The following TSC22D1 variants were observed in gnomAD, a reference collection of about 807,000 sequenced individuals.
TSC22D1 encodes TSC22 domain family member 1.
Under a neutral mutation model 74.2 loss-of-function variants are expected in TSC22D1, and 9 were observed. That is an observed-to-expected ratio of 0.12 (90% CI 0.07 to 0.21). The LOEUF (loss-of-function observed/expected upper bound fraction) is 0.21, where lower values mean the gene tolerates loss of function less well. Ranked by LOEUF, TSC22D1 falls within the 10% of genes least tolerant of loss-of-function variation. The probability of loss-of-function intolerance (pLI) is 1.00; values close to 1 mark genes in which losing one functional copy is unlikely to be tolerated. For missense variants in TSC22D1, 1,427 were observed against 1,304.7 expected (o/e 1.09, Z -1.44); for synonymous variants, 586 against 492.5 (o/e 1.19, Z -2.51).
intron 1 of TSC22D1, among the ~76,000 whole-genome samples, chr13:44,493,490 GATTACTGTT>G (rs1485901823): frequency 5.3e-5 from 8 of 152,320 alleles, no homozygotes; most frequent in Admixed American, 1.3e-4. Flanking sequence ...TGAAGCAAAA[GATTACTGTT>G]AAGGCACACA....
chr13:44,551,344 CCT>C (rs1595158697), intron 1 of TSC22D1, among the ~76,000 whole-genome samples: 1 of 76,798 alleles, frequency 1.3e-5, no homozygotes, highest in African/African-American at 4.8e-5. Flanking sequence ...TGTGTGTGAC[CCT>C]GTCTCAAAAA....
chr13:44,475,459 C>T (rs1478061386), intron 1 of TSC22D1, among the ~76,000 whole-genome samples: 18 of 80,400 alleles, frequency 2.2e-4, no homozygotes, highest in African/African-American at 8.9e-4. Flanking sequence ...GTAAAACAAA[C>T]AAAAGCAAAA....
At chr13:44,462,089 A>C (rs184762879) in intron 1 of TSC22D1, among the ~76,000 whole-genome samples, 261 of 152,362 alleles carry the variant, frequency 1.7e-3, no homozygotes, top group Non-Finnish European at 2.9e-3. Context: ...CCAGGTAATC[A>C]AAATGTAAAC....
intron 1 of TSC22D1, among the ~76,000 whole-genome samples, chr13:44,438,435 G>A (rs1328740436): frequency 2.0e-5 from 3 of 152,154 alleles, no homozygotes; most frequent in Admixed American, 1.3e-4. Flanking sequence ...TGCTGGTAGT[G>A]GGGGTAGGTA....
At chr13:44,558,515 G>A (rs1415344218) in intron 1 of TSC22D1, among the ~76,000 whole-genome samples, 1 of 152,120 alleles carries the variant, frequency 6.6e-6, no homozygotes, top group Non-Finnish European at 1.5e-5. Flanking sequence ...TGAGGCGGAT[G>A]GACAGTCTGA....
chr13:44,538,184 G>A, intron 1 of TSC22D1: 1 of 985,080 alleles, frequency 1.0e-6, no homozygotes, highest in Admixed American at 6.2e-5. Context: ...CCTTCAGTAT[G>A]AAAAAAATAC....
chr13:44,525,440 T>C (rs1347215984), intron 1 of TSC22D1, among the ~76,000 whole-genome samples: 1 of 151,978 alleles, frequency 6.6e-6, no homozygotes, highest in African/African-American at 2.4e-5. Flanking sequence ...AAAAGATAAA[T>C]TAGCCAAGCA....
chr13:44,492,453 T>C (rs940367835), intron 1 of TSC22D1, among the ~76,000 whole-genome samples: 1 of 152,196 alleles, frequency 6.6e-6, no homozygotes, highest in African/African-American at 2.4e-5. Flanking sequence ...AGACCATCTG[T>C]ACAGCTATAC....
In TSC22D1 at chr13:44,454,208, G is replaced by A. The variant is rs543157874; in HGVS notation, c.2913-18113C>T. Among the ~76,000 whole-genome samples the A allele has an allele frequency of 9.9e-5, 15 of 152,162 alleles. No homozygotes were observed. In the South Asian group the frequency reaches 2.9e-3, roughly 30 times the overall value. ...TTTAATACATTAGATTGGGGGAGGG[G>A]GACAGCAGGGGAAGACCAGTTATGT... is the stretch of plus-strand genomic sequence containing the variant. On this transcript the variant is annotated intron_variant, in intron 1 of 2. Transcript: ENST00000458659.
chr13:44,548,300 T>A (rs1881963499), intron 1 of TSC22D1, among the ~76,000 whole-genome samples: 1 of 152,234 alleles, frequency 6.6e-6, no homozygotes, highest in Admixed American at 6.5e-5. Flanking sequence ...GCCGATCACT[T>A]GAGGTCAGGA....
chr13:44,448,164 G>A (rs774091155), intron 1 of TSC22D1, among the ~76,000 whole-genome samples: 10 of 152,104 alleles, frequency 6.6e-5, no homozygotes, highest in African/African-American at 2.4e-4. Flanking sequence ...TTTCTATTTC[G>A]AGAACCTCAT....
chr13:44,543,067 A>C (rs1484796656), intron 1 of TSC22D1, among the ~76,000 whole-genome samples: 3 of 152,180 alleles, frequency 2.0e-5, no homozygotes, highest in Admixed American at 2.0e-4. Context: ...CTACCAGTAC[A>C]TCAATGAAAT....
intron 1 of TSC22D1, among the ~76,000 whole-genome samples, chr13:44,522,158 G>C (rs1566151952): frequency 6.6e-6 from 1 of 152,160 alleles, no homozygotes; most frequent in Non-Finnish European, 1.5e-5. Context: ...TTTAAGCTGA[G>C]ACTTAAAAGG....
At chr13:44,517,025 T>C (rs1222835810) in intron 1 of TSC22D1, among the ~76,000 whole-genome samples, 1 of 152,232 alleles carries the variant, frequency 6.6e-6, no homozygotes. Flanking sequence ...TACAGCTGCC[T>C]GATCCATCAT....
chr13:44,509,950 C>CAAAAAAAAAAAAAAAAAAAGAAAAAAA (rs1879616996), intron 1 of TSC22D1, among the ~76,000 whole-genome samples: 2 of 51,426 alleles, frequency 3.9e-5, no homozygotes, highest in Non-Finnish European at 7.1e-5. Flanking sequence ...AGAAAATAAG[C>CAAAAAAAAAAAAAAAAAAAGAAAAAAA]AAAAAAAAAA....
At chr13:44,531,363 T>C (rs1381299000) in intron 1 of TSC22D1, among the ~76,000 whole-genome samples, 1 of 152,182 alleles carries the variant, frequency 6.6e-6, no homozygotes, top group African/African-American at 2.4e-5. Context: ...GCAAATGCAT[T>C]ATCAATGGTG....
chr13:44,539,421 C>T, intron 1 of TSC22D1: 2 of 985,304 alleles, frequency 2.0e-6, no homozygotes, highest in Non-Finnish European at 2.4e-6. Flanking sequence ...AGATGAAATA[C>T]AGAACCTTTT....
At chr13:44,482,977 T>C (rs1301231387) in intron 1 of TSC22D1, among the ~76,000 whole-genome samples, 1 of 152,212 alleles carries the variant, frequency 6.6e-6, no homozygotes, top group Admixed American at 6.5e-5. Flanking sequence ...GTATTTAAAC[T>C]CAGAGAATCT....
intron 1 of TSC22D1, among the ~76,000 whole-genome samples, chr13:44,514,040 C>T (rs1879856777): frequency 6.6e-6 from 1 of 152,132 alleles, no homozygotes. Flanking sequence ...GAAAATGTTA[C>T]CTTTTCTATT....
Sources: allele counts gnomAD v4.1 joint callset (sites outside exome capture counted in the v4.1 genomes callset), GRCh38; gene constraint gnomAD v4.1.1; transcripts MANE v1.5; gene names NCBI Gene and HGNC (gene_info 2026-07-23, HGNC 2026-07-21).